Variants in GRIK4 observed in about 807,000 individuals in gnomAD.
GRIK4 encodes the protein glutamate receptor ionotropic, kainate 4.
In GRIK4, 40 loss-of-function variants were observed where a neutral mutation model predicts 104.9. The ratio of observed to expected loss-of-function variants is 0.38; its 90% CI spans 0.30 to 0.50. The LOEUF (loss-of-function observed/expected upper bound fraction) is 0.50. Among genes scored for constraint, GRIK4 ranks in the 20% least tolerant of loss-of-function variants. The pLI is 0.93. For synonymous variants in GRIK4, 485 were observed against 524.9 expected (o/e 0.92, Z 1.04); for missense variants, 1,047 against 1,308.1 (o/e 0.80, Z 3.08).
rs1229199067 is a variant in GRIK4, at chr11:120,952,975, C to T, written c.1700+11C>T. On this transcript the variant is annotated intron_variant, in intron 15 of 20. Transcript: ENST00000527524. The surrounding 1 kb of genome is among the most constrained non-coding windows in gnomAD (Gnocchi z 5.2). Reference sequence around the variant, plus strand: ...CTTCCTGGTGGCTCGGTACTCTCCTCTTCCCTTCCCTGTCCTTACACCGCC... The same window carrying T: ...CTTCCTGGTGGCTCGGTACTCTCCTTTTCCCTTCCCTGTCCTTACACCGCC... The T allele has an allele frequency of 1.3e-6, 2 of 1,546,424 alleles. No homozygotes were observed. Among genetic ancestry groups the T allele is most frequent in the Non-Finnish European group, 1.8e-6 (2 of 1,118,818 alleles).
At chr11:120,572,615 A>G (rs1266139533) in intron 1 of GRIK4, among the ~76,000 whole-genome samples, 1 of 152,130 alleles carries the variant, frequency 6.6e-6, no homozygotes, top group Non-Finnish European at 1.5e-5. Context: ...CTCCTAAAGC[A>G]CTGCCTTTCT....
chr11:120,579,926 G>A (rs1948546993), intron 1 of GRIK4, among the ~76,000 whole-genome samples: 1 of 151,712 alleles, frequency 6.6e-6, no homozygotes, highest in African/African-American at 2.4e-5. Context: ...TCCCACCCTT[G>A]GCGACCACTG....
chr11:120,672,541 G>A (rs1020653952), intron 3 of GRIK4, among the ~76,000 whole-genome samples: 4 of 152,148 alleles, frequency 2.6e-5, no homozygotes, highest in Admixed American at 2.6e-4. Flanking sequence ...CCATTTTCAC[G>A]GTATTCATTC....
intron 3 of GRIK4, among the ~76,000 whole-genome samples, chr11:120,768,678 T>C (rs1951884060): frequency 6.6e-6 from 1 of 152,250 alleles, no homozygotes; most frequent in South Asian, 2.1e-4. Flanking sequence ...GCTATGGGTT[T>C]TTAATACATA....
At chr11:120,797,705 G>A (rs967963265) in intron 3 of GRIK4, among the ~76,000 whole-genome samples, 1 of 152,198 alleles carries the variant, frequency 6.6e-6, no homozygotes, top group Non-Finnish European at 1.5e-5. Context: ...CACGGGGGTT[G>A]GGAGGTAGAG....
At chr11:120,652,709 C>T (rs1232698980) in intron 1 of GRIK4, among the ~76,000 whole-genome samples, 1 of 152,198 alleles carries the variant, frequency 6.6e-6, no homozygotes, top group Non-Finnish European at 1.5e-5. Context: ...CTCTGATCCC[C>T]TCTACCCTTC....
At chr11:120,603,787 G>A (rs1565569820) in intron 1 of GRIK4, among the ~76,000 whole-genome samples, 1 of 152,266 alleles carries the variant, frequency 6.6e-6, no homozygotes, top group East Asian at 1.9e-4. Flanking sequence ...GTTGCCACAA[G>A]TAGAGGGGGT....
chr11:120,901,113 C>T (rs548421594), intron 12 of GRIK4, among the ~76,000 whole-genome samples: 46 of 152,350 alleles, frequency 3.0e-4, no homozygotes, highest in Middle Eastern at 3.4e-3. Context: ...CTTTGTCTGC[C>T]TGTCCCCCGA....
intron 3 of GRIK4, among the ~76,000 whole-genome samples, chr11:120,674,174 C>T (rs1950064287): frequency 6.6e-6 from 1 of 152,176 alleles, no homozygotes; most frequent in African/African-American, 2.4e-5. Flanking sequence ...CCTGGTCACC[C>T]TCCTCTAAAT....
At chr11:120,569,209 C>T (rs760264809) in intron 1 of GRIK4, among the ~76,000 whole-genome samples, 14 of 152,214 alleles carry the variant, frequency 9.2e-5, no homozygotes, top group South Asian at 2.1e-4. Context: ...CTACCAGGCA[C>T]GCCCCGCCCC....
chr11:120,553,493 A>C (rs1948158763), intron 1 of GRIK4, among the ~76,000 whole-genome samples: 1 of 152,200 alleles, frequency 6.6e-6, no homozygotes, highest in Admixed American at 6.5e-5. Context: ...GAGGATGTGG[A>C]AAGAGAGGGG....
rs573916770 is a variant in GRIK4 at position 120,981,869 on chromosome 11, T to A, written c.2396-237T>A. 3.3e-5 allele frequency among the ~76,000 whole-genome samples: 5 copies of A among 152,332 alleles called. No homozygotes were observed. The South Asian group carries it at 1.0e-3, about 32-fold the overall frequency. ...TTGGTAGGCTTCTTGCCAGTGTCCT[T>A]GATTGATGGCAAGATCTCTCTCTTC... On this transcript the variant is annotated intron_variant, in intron 19 of 20. Coordinates refer to ENST00000527524, the MANE Select transcript of GRIK4 (RefSeq NM_014619.5).
chr11:120,934,344 T>C (rs572213937), intron 13 of GRIK4, among the ~76,000 whole-genome samples: 13 of 152,008 alleles, frequency 8.6e-5, no homozygotes, highest in Non-Finnish European at 1.6e-4. Context: ...CTTTGCTGTC[T>C]TCGGATGCTC....
chr11:120,733,563 G>A (rs1951174748), intron 3 of GRIK4, among the ~76,000 whole-genome samples: 2 of 122,612 alleles, frequency 1.6e-5, no homozygotes, highest in Admixed American at 8.6e-5. Context: ...TTAAATTGAT[G>A]ACAACACTGA....
chr11:120,611,345 A>G (rs552254919), intron 1 of GRIK4, among the ~76,000 whole-genome samples: 7 of 152,308 alleles, frequency 4.6e-5, no homozygotes, highest in Non-Finnish European at 8.8e-5. Flanking sequence ...AGGAACAATA[A>G]TATTTAATAT....
chr11:120,950,435 G>A (rs563269235), intron 14 of GRIK4, among the ~76,000 whole-genome samples: 1 of 152,264 alleles, frequency 6.6e-6, no homozygotes, highest in Non-Finnish European at 1.5e-5. Flanking sequence ...TTTCACTTGT[G>A]ATATAATCAG....
intron 3 of GRIK4, among the ~76,000 whole-genome samples, chr11:120,793,515 G>A (rs12291509): frequency 0.028 from 4,261 of 152,254 alleles, 212 homozygotes; most frequent in African/African-American, 0.094. Context: ...AAGGTATGGG[G>A]CACAAAGTCA....
At chr11:120,632,361 C>T (rs954654816) in intron 1 of GRIK4, among the ~76,000 whole-genome samples, 1 of 152,140 alleles carries the variant, frequency 6.6e-6, no homozygotes, top group Non-Finnish European at 1.5e-5. Flanking sequence ...ACATCCACCT[C>T]ATAGATTTAT....
intron 3 of GRIK4, among the ~76,000 whole-genome samples, chr11:120,712,797 C>T (rs1950761744): frequency 6.6e-6 from 1 of 152,170 alleles, no homozygotes; most frequent in Non-Finnish European, 1.5e-5. Flanking sequence ...TTCACGATGG[C>T]CCTTTATACA....
Sources: gnomAD v4.1 joint callset for allele counts (sites outside exome capture counted in the v4.1 genomes callset) on GRCh38, gnomAD v4.1.1 for gene constraint, Gnocchi (gnomAD v3.1) non-coding constraint, MANE v1.5 for transcripts, NCBI Gene and HGNC (gene_info 2026-07-23, HGNC 2026-07-21) for gene names.